Variants in SLC22A4 observed in about 807,000 individuals in gnomAD.
SLC22A4 encodes ET transporter.
SLC22A4 carries 39 observed loss-of-function variants against 56.6 expected under a neutral mutation model. That is an observed-to-expected ratio of 0.69 (90% CI 0.53 to 0.90). The LOEUF is 0.90. Ranked by LOEUF, SLC22A4 falls within the 40% of genes least tolerant of loss-of-function variation. The probability of loss-of-function intolerance (pLI) is 0.00; values close to 1 mark genes in which losing one functional copy is unlikely to be tolerated. For missense variants in SLC22A4, 594 were observed against 696.5 expected (o/e 0.85, Z 1.66); for synonymous variants, 241 against 281.4 (o/e 0.86, Z 1.44).
At chr5:132,299,277 C>T (rs1000659423) in intron 1 of SLC22A4, among the ~76,000 whole-genome samples, 1 of 152,092 alleles carries the variant, frequency 6.6e-6, no homozygotes, top group South Asian at 2.1e-4. Flanking sequence ...TTGGGGTTTG[C>T]GTGAGTGCAT....
At chr5:132,337,531 C>A (rs1223282366) in intron 8 of SLC22A4, among the ~76,000 whole-genome samples, 1 of 151,764 alleles carries the variant, frequency 6.6e-6, no homozygotes, top group East Asian at 1.9e-4. Context: ...CCCGCCTCAA[C>A]CTCCCAAAGT....
At chr5:132,304,089 A>AAAACAAAC (rs746983023) in intron 1 of SLC22A4, among the ~76,000 whole-genome samples, 1 of 152,228 alleles carries the variant, frequency 6.6e-6, no homozygotes, top group Non-Finnish European at 1.5e-5. Flanking sequence ...GAAAAAACAG[A>AAAACAAAC]AAACAAACAA....
chr5:132,294,629 G>T lies in SLC22A4; in HGVS notation c.13G>T (p.Asp5Tyr). The change falls in exon 1 of 10, where the codon GAC (aspartate) becomes TAC (tyrosine). Residue 5 changes from aspartate to tyrosine, a missense_variant. Transcript: ENST00000200652. This position sits in a 1 kb window ranked among gnomAD's most constrained non-coding sequence, Gnocchi z 5.6. ...GGCAGTGGGAAGCATGCGGGACTACGACGAGGTGATCGCCTTCCTGGGCGA... is the reference window on the plus strand; with the variant it reads ...GGCAGTGGGAAGCATGCGGGACTACTACGAGGTGATCGCCTTCCTGGGCGA... MRDY[D>Y]EVIAFLGEWG... 1.2e-6 allele frequency: 2 copies of T among 1,614,184 alleles called. No individual in the cohort carries two copies. The highest frequency in any genetic ancestry group is 4.5e-5 in the East Asian group (2 of 44,852).
intron 3 of SLC22A4, among the ~76,000 whole-genome samples, chr5:132,317,870 T>C (rs954546634): frequency 2.6e-5 from 4 of 152,226 alleles, no homozygotes; most frequent in African/African-American, 9.6e-5. Flanking sequence ...AGCTGGCATA[T>C]AAATACGTAA....
chr5:132,331,333 T>C (rs201021608), intron 5 of SLC22A4, among the ~76,000 whole-genome samples: 1 of 151,630 alleles, frequency 6.6e-6, no homozygotes, highest in Admixed American at 6.6e-5. Context: ...AGACTCCATC[T>C]AAAAAAAACA....
rs763712473 is a variant in SLC22A4, at chr5:132,336,010, A to G, written c.1444+10A>G. Reference sequence around the variant, plus strand: ...TACTTTGTTTACCTCGGTGAGCTGCATCTTGTGCATTTGTTCTTCCTTTAA... The same window carrying G: ...TACTTTGTTTACCTCGGTGAGCTGCGTCTTGTGCATTTGTTCTTCCTTTAA... On this transcript the variant is annotated intron_variant, in intron 8 of 9. Transcript: ENST00000200652. 2.5e-6 allele frequency: 4 copies of G among 1,612,612 alleles called. No homozygotes were observed. Among genetic ancestry groups the G allele is most frequent in the Admixed American group, 1.7e-5 (1 of 60,004 alleles).
chr5:132,316,928 A>T (rs1677245315), intron 3 of SLC22A4, among the ~76,000 whole-genome samples: 1 of 152,222 alleles, frequency 6.6e-6, no homozygotes, highest in Non-Finnish European at 1.5e-5. Context: ...TATTTTCCAC[A>T]GTTGTGGAGG....
intron 1 of SLC22A4, among the ~76,000 whole-genome samples, chr5:132,303,789 T>G (rs560493121): frequency 6.6e-6 from 1 of 152,316 alleles, no homozygotes; most frequent in Admixed American, 6.5e-5. Context: ...TTCCACTCAG[T>G]GTCTGACTCA....
intron 1 of SLC22A4, among the ~76,000 whole-genome samples, chr5:132,302,596 C>A (rs1580820069): frequency 6.6e-6 from 1 of 152,194 alleles, no homozygotes; most frequent in Non-Finnish European, 1.5e-5. Context: ...AGGCTGGTGG[C>A]TCCTGCTCAG....
At chr5:132,296,405 A>G (rs937998152) in intron 1 of SLC22A4, among the ~76,000 whole-genome samples, 7 of 152,272 alleles carry the variant, frequency 4.6e-5, no homozygotes, top group Admixed American at 4.6e-4. Context: ...TTCTAAGGCC[A>G]GGTTCGTGCT....
At chr5:132,309,463 T>C (rs142775081) in intron 1 of SLC22A4, among the ~76,000 whole-genome samples, 57 of 152,338 alleles carry the variant, frequency 3.7e-4, no homozygotes, top group African/African-American at 1.3e-3. Flanking sequence ...ACAGGGCTTC[T>C]TGGGCCCCTC....
chr5:132,317,277 G>T (rs1389772396), intron 3 of SLC22A4, among the ~76,000 whole-genome samples: 1 of 152,170 alleles, frequency 6.6e-6, no homozygotes, highest in Non-Finnish European at 1.5e-5. Context: ...TCACAAAGTT[G>T]TACAGCCATC....
intron 1 of SLC22A4, chr5:132,295,514 T>A: frequency 2.9e-6 from 1 of 350,536 alleles, no homozygotes; most frequent in Non-Finnish European, 5.6e-6. Context: ...AGGCCCCAGT[T>A]TCTCTAAGAC....
At chr5:132,325,624 C>T (rs1750666723) in intron 4 of SLC22A4, among the ~76,000 whole-genome samples, 1 of 152,190 alleles carries the variant, frequency 6.6e-6, no homozygotes, top group Non-Finnish European at 1.5e-5. Context: ...ATTAACTACA[C>T]AGGACTCTGT....
intron 1 of SLC22A4, among the ~76,000 whole-genome samples, chr5:132,309,671 G>A (rs1012047370): frequency 2.6e-5 from 4 of 152,258 alleles, no homozygotes; most frequent in Admixed American, 6.5e-5. Context: ...CACACAGAGC[G>A]CCACACTTGG....
intron 4 of SLC22A4, among the ~76,000 whole-genome samples, chr5:132,325,348 G>T (rs1364958620): frequency 6.6e-6 from 1 of 152,096 alleles, no homozygotes; most frequent in African/African-American, 2.4e-5. Flanking sequence ...AATCACACTA[G>T]CTCAATAGCT....
At position 132,313,746 on chromosome 5, in the gene SLC22A4, C is replaced by G. The variant is rs143879161; in HGVS notation, c.630C>G (p.Asn210Lys). The G allele has an allele frequency of 1.2e-5, 19 of 1,614,094 alleles. No homozygotes were observed. The highest frequency in any genetic ancestry group is 2.7e-5 in the African/African-American group (2 of 74,940). ...TCGTGGGCATGGGCCAGATCTCCAA[C>G]TATGTGGTAGCCTTCATACTAGGTA... Reference protein sequence around the residue: ...FVIVGMGQISNYVVAFILGTE... With the variant: ...FVIVGMGQISKYVVAFILGTE... Residue 210 changes from asparagine to lysine, a missense_variant, in exon 3 of 10, where the codon AAC becomes AAG. Coordinates refer to ENST00000200652, the MANE Select transcript of SLC22A4 (RefSeq NM_003059.3).
At chr5:132,313,420 A>G (rs1317094359) in intron 2 of SLC22A4, among the ~76,000 whole-genome samples, 194 bp from the exon 3 acceptor site, 2 of 152,194 alleles carry the variant, frequency 1.3e-5, no homozygotes, top group Admixed American at 1.3e-4. Flanking sequence ...GAAGCTGAGA[A>G]TCTCAAAAGA....
chr5:132,339,452 T>C (rs77988325), intron 8 of SLC22A4, among the ~76,000 whole-genome samples: 3,248 of 143,912 alleles, frequency 0.023, 119 homozygotes, highest in African/African-American at 0.08. Context: ...AATTGGGCAA[T>C]TGGTTACCTA....
Sources: gnomAD v4.1 joint callset for allele counts (sites outside exome capture counted in the v4.1 genomes callset) on GRCh38, gnomAD v4.1.1 for gene constraint, Gnocchi (gnomAD v3.1) non-coding constraint, MANE v1.5 for transcripts, NCBI Gene and HGNC (gene_info 2026-07-23, HGNC 2026-07-21) for gene names.